MAD1L1: variants seen among roughly 807,000 people sequenced by gnomAD.
MAD1L1 encodes mitotic spindle assembly checkpoint protein MAD1.
MAD1L1 carries 95 observed loss-of-function variants against 96.9 expected under a neutral mutation model. The observed-to-expected ratio is 0.98, with a 90% CI of 0.83 to 1.16. The LOEUF (loss-of-function observed/expected upper bound fraction) is 1.16. MAD1L1 is among the 50% of genes most tolerant of loss of function. The probability of loss-of-function intolerance (pLI) is 0.00; values close to 1 mark genes in which losing one functional copy is unlikely to be tolerated. For missense variants in MAD1L1, 1,007 were observed against 954.4 expected (o/e 1.06, Z -0.73); for synonymous variants, 473 against 396.6 (o/e 1.19, Z -2.29).
intron 10 of MAD1L1, among the ~76,000 whole-genome samples, chr7:2,173,506 T>C (rs1215658907): frequency 2.0e-5 from 3 of 152,242 alleles, no homozygotes; most frequent in Non-Finnish European, 4.4e-5. Context: ...CTTAGCTGTC[T>C]GTTTATCGCT....
Position 2,230,208 on chromosome 7 carries a change from A to G in MAD1L1, c.-10-65T>C, listed in dbSNP as rs1584610992. 10 of 1,378,134 alleles carry G rather than the reference A, an allele frequency of 7.3e-6. No homozygotes were observed. In the East Asian group the frequency reaches 2.5e-4, roughly 34 times the overall value. The allele number at this position is 1,378,134 out of a possible 1,614,324, so 85.4% of individuals were successfully genotyped here. Reference sequence around the variant, plus strand: ...TCCACGTGCCATCAGCCGTGCAGTCAGCAGAGCCTCTGGACAGCCCCACTC... The same window carrying G: ...TCCACGTGCCATCAGCCGTGCAGTCGGCAGAGCCTCTGGACAGCCCCACTC... On this transcript the variant is annotated intron_variant, in intron 2 of 18. Coordinates refer to ENST00000265854, the MANE Select transcript of MAD1L1 (RefSeq NM_001013836.2).
chr7:2,099,863 C>T (rs1166884025), intron 11 of MAD1L1, among the ~76,000 whole-genome samples: 1 of 152,220 alleles, frequency 6.6e-6, no homozygotes, highest in Non-Finnish European at 1.5e-5. Flanking sequence ...CACCTCCCAC[C>T]AGCCCAGCCC....
intron 11 of MAD1L1, among the ~76,000 whole-genome samples, chr7:2,104,844 T>C (rs1296664985): frequency 2.0e-5 from 3 of 152,220 alleles, no homozygotes; most frequent in Non-Finnish European, 2.9e-5. Context: ...TGCACAGCCA[T>C]GTGGGCTCAG....
At chr7:2,221,043 C>G in intron 5 of MAD1L1, 1 of 1,610,068 alleles carries the variant, frequency 6.2e-7, no homozygotes, top group Non-Finnish European at 8.5e-7. Context: ...AGAAGGCAGT[C>G]AAGGCCTAGT....
At chr7:2,056,120 C>T (rs931588834) in intron 12 of MAD1L1, among the ~76,000 whole-genome samples, 3 of 152,364 alleles carry the variant, frequency 2.0e-5, no homozygotes, top group African/African-American at 4.8e-5. Context: ...GACGCCTCAG[C>T]GGGCGCCACA....
intron 16 of MAD1L1, among the ~76,000 whole-genome samples, chr7:1,952,587 G>A (rs1332413506): frequency 2.1e-5 from 3 of 141,530 alleles, no homozygotes; most frequent in Non-Finnish European, 3.1e-5. Flanking sequence ...ACAGAGGTGC[G>A]TGAAGGTGGC....
intron 10 of MAD1L1, among the ~76,000 whole-genome samples, chr7:2,178,687 A>C (rs1236765335): frequency 6.6e-6 from 1 of 152,226 alleles, no homozygotes; most frequent in African/African-American, 2.4e-5. Flanking sequence ...ACCTGAGGTC[A>C]GAAGTTCGAG....
intron 10 of MAD1L1, among the ~76,000 whole-genome samples, chr7:2,168,866 T>C (rs1304923718): frequency 6.6e-6 from 1 of 152,120 alleles, no homozygotes; most frequent in Non-Finnish European, 1.5e-5. Context: ...CCGAGTGTGC[T>C]AAGGAGCCAG....
At chr7:2,091,609 AC>A (rs770929570) in intron 11 of MAD1L1, among the ~76,000 whole-genome samples, 8 of 152,144 alleles carry the variant, frequency 5.3e-5, no homozygotes, top group Non-Finnish European at 1.2e-4. Context: ...CCCCGTCTCT[AC>A]CAAAAAATAC....
chr7:2,029,916 G>A (rs1027316331), intron 12 of MAD1L1, among the ~76,000 whole-genome samples: 1 of 152,202 alleles, frequency 6.6e-6, no homozygotes, highest in African/African-American at 2.4e-5. Flanking sequence ...GAGCTGAAGA[G>A]AAGTAAAAAT....
intron 17 of MAD1L1, among the ~76,000 whole-genome samples, chr7:1,908,817 TC>T (rs1173244719): frequency 5.9e-5 from 9 of 152,030 alleles, no homozygotes; most frequent in East Asian, 1.9e-4. Context: ...ATTATGAAAC[TC>T]CCCCAGCATG....
At chr7:1,967,420 G>C (rs1780212456) in intron 15 of MAD1L1, among the ~76,000 whole-genome samples, 1 of 152,366 alleles carries the variant, frequency 6.6e-6, no homozygotes, top group East Asian at 1.9e-4. Context: ...TGATGGTTTA[G>C]AAACTGACCC....
intron 10 of MAD1L1, among the ~76,000 whole-genome samples, chr7:2,188,542 A>G (rs1300991446): frequency 2.6e-5 from 4 of 152,238 alleles, no homozygotes; most frequent in African/African-American, 7.2e-5. Flanking sequence ...ACACTTTCGT[A>G]TGCTCAAATA....
chr7:2,064,804 TCCC>T (rs1784809566), intron 12 of MAD1L1, among the ~76,000 whole-genome samples: 1 of 66,930 alleles, frequency 1.5e-5, no homozygotes, highest in South Asian at 7.0e-4. Flanking sequence ...CGGAGGCTTC[TCCC>T]AGGACAGCGG....
At chr7:1,981,362 G>A (rs1349671576) in intron 14 of MAD1L1, among the ~76,000 whole-genome samples, 1 of 152,178 alleles carries the variant, frequency 6.6e-6, no homozygotes, top group Non-Finnish European at 1.5e-5. Context: ...CGGACTGCGG[G>A]CTCAAGGAAG....
intron 11 of MAD1L1, among the ~76,000 whole-genome samples, chr7:2,145,723 GC>G (rs1279579862): frequency 2.6e-5 from 4 of 152,172 alleles, no homozygotes; most frequent in African/African-American, 9.7e-5. Context: ...TCCCTGGGCG[GC>G]CTTCCCTACC....
chr7:2,071,586 C>T (rs563959352), intron 11 of MAD1L1, among the ~76,000 whole-genome samples: 5 of 152,292 alleles, frequency 3.3e-5, no homozygotes, highest in East Asian at 1.9e-4. Context: ...CCAGGAAGAT[C>T]GAGGCCGGAC....
intron 10 of MAD1L1, among the ~76,000 whole-genome samples, chr7:2,161,930 TG>T: frequency 7.5e-6 from 1 of 132,494 alleles, no homozygotes; most frequent in African/African-American, 2.9e-5. Flanking sequence ...GTCCGGGAGG[TG>T]GGGGGCAGCC....
intron 12 of MAD1L1, among the ~76,000 whole-genome samples, chr7:2,060,014 C>T (rs542716016): frequency 6.6e-6 from 1 of 152,246 alleles, no homozygotes; most frequent in South Asian, 2.1e-4. Context: ...GAACATGTGG[C>T]ATTCATGGTT....
Sources: gnomAD v4.1 joint callset for allele counts (sites outside exome capture counted in the v4.1 genomes callset) on GRCh38, gnomAD v4.1.1 for gene constraint, MANE v1.5 for transcripts, NCBI Gene and HGNC (gene_info 2026-07-23, HGNC 2026-07-21) for gene names.